Variants in ATOSA observed in about 807,000 individuals in gnomAD.
ATOSA encodes the protein atos homolog A, also known as atos homolog protein A.
the ATOSA span, among the ~76,000 whole-genome samples, chr15:52,674,757 C>A: frequency 6.6e-6 from 1 of 151,658 alleles, no homozygotes; most frequent in South Asian, 2.1e-4. Context: ...TATTTATTTA[C>A]CTTTGTTGAG....
chr15:52,609,547 GTTTCACT>G, the ATOSA span: 1 of 1,613,702 alleles, frequency 6.2e-7, no homozygotes, highest in Non-Finnish European at 8.5e-7. Flanking sequence ...AGAAATACAA[GTTTCACT>G]TCGAGGAGTT....
At chr15:52,655,290 C>G in the ATOSA span, among the ~76,000 whole-genome samples, 1 of 152,234 alleles carries the variant, frequency 6.6e-6, no homozygotes, top group South Asian at 2.1e-4. Context: ...CATTCAATAA[C>G]CACAACGACA....
the ATOSA span, chr15:52,587,368 T>C: frequency 3.1e-6 from 2 of 635,694 alleles, no homozygotes; most frequent in South Asian, 2.3e-5. Flanking sequence ...ATACATTCTA[T>C]GTTTCTACCC....
the ATOSA span, chr15:52,587,726 G>C: frequency 6.6e-6 from 1 of 152,480 alleles, no homozygotes; most frequent in African/African-American, 2.4e-5. Flanking sequence ...TTGGAAGTCT[G>C]TAGTTCCTGC....
chr15:52,614,565 G>A, the ATOSA span, among the ~76,000 whole-genome samples: 522 of 151,442 alleles, frequency 3.4e-3, 3 homozygotes, highest in African/African-American at 0.012. Flanking sequence ...TTATATTTTC[G>A]GGCCGGGCGT....
chr15:52,641,111 G>A, the ATOSA span, among the ~76,000 whole-genome samples: 1 of 152,152 alleles, frequency 6.6e-6, no homozygotes, highest in African/African-American at 2.4e-5. Flanking sequence ...TACAGGTACA[G>A]GCGTTTATAA....
At chr15:52,687,999 G>C in the ATOSA span, among the ~76,000 whole-genome samples, 3 of 152,208 alleles carry the variant, frequency 2.0e-5, no homozygotes, top group African/African-American at 7.2e-5. Context: ...AGGCTAACCT[G>C]CTGTTCCCAG....
chr15:52,610,478 A>AT, the ATOSA span: 6 of 1,354,796 alleles, frequency 4.4e-6, no homozygotes, highest in South Asian at 9.6e-5. Context: ...TCATACACTT[A>AT]TTTTTGTTTG....
the ATOSA span, among the ~76,000 whole-genome samples, chr15:52,704,951 C>A: frequency 6.6e-6 from 1 of 152,158 alleles, no homozygotes; most frequent in African/African-American, 2.4e-5. Flanking sequence ...TGTGGCAATT[C>A]CTCAAGGATC....
At chr15:52,599,523 C>G in the ATOSA span, among the ~76,000 whole-genome samples, 1 of 151,918 alleles carries the variant, frequency 6.6e-6, no homozygotes, top group Admixed American at 6.6e-5. Context: ...AAAAACTCAC[C>G]AGTTAAAATC....
chr15:52,669,954 T>G, the ATOSA span, among the ~76,000 whole-genome samples: 1 of 152,182 alleles, frequency 6.6e-6, no homozygotes, highest in African/African-American at 2.4e-5. Context: ...CTATTTTCCA[T>G]CAGCCTCTTT....
At chr15:52,590,370 A>G in the ATOSA span, among the ~76,000 whole-genome samples, 1 of 152,224 alleles carries the variant, frequency 6.6e-6, no homozygotes, top group African/African-American at 2.4e-5. Context: ...GTGTTGTCAT[A>G]TAACACTTGG....
At chr15:52,657,130 T>C in the ATOSA span, 1 of 152,150 alleles carries the variant, frequency 6.6e-6, no homozygotes, top group Non-Finnish European at 1.5e-5. Context: ...GCCGTTGGGT[T>C]ACCCTGTAAG....
At chr15:52,640,708 A>C in the ATOSA span, among the ~76,000 whole-genome samples, 1 of 151,838 alleles carries the variant, frequency 6.6e-6, no homozygotes, top group East Asian at 1.9e-4. Context: ...TAAATGCAAT[A>C]TATACTACTA....
the ATOSA span, among the ~76,000 whole-genome samples, chr15:52,626,549 G>A: frequency 4.0e-5 from 6 of 148,412 alleles, no homozygotes; most frequent in East Asian, 2.0e-4. Context: ...AAAAGAGAGC[G>A]AGAGAATGGC....
chr15:52,655,188 T>A, the ATOSA span, among the ~76,000 whole-genome samples: 1 of 152,158 alleles, frequency 6.6e-6, no homozygotes, highest in Admixed American at 6.6e-5. Flanking sequence ...CTTACATATG[T>A]TACTTACTAT....
the ATOSA span, among the ~76,000 whole-genome samples, chr15:52,627,874 G>C: frequency 2.0e-5 from 3 of 152,124 alleles, no homozygotes; most frequent in African/African-American, 7.2e-5. Flanking sequence ...TCTGCCATCT[G>C]ATTGTGTCTT....
the ATOSA span, among the ~76,000 whole-genome samples, chr15:52,606,766 C>A: frequency 3.9e-5 from 6 of 152,144 alleles, no homozygotes; most frequent in Admixed American, 6.5e-5. Flanking sequence ...CATGTTAGAG[C>A]GAGATCTTCT....
chr15:52,650,114 T>C, the ATOSA span, among the ~76,000 whole-genome samples: 1 of 152,212 alleles, frequency 6.6e-6, no homozygotes, highest in Non-Finnish European at 1.5e-5. Flanking sequence ...TAGTAATTCA[T>C]AAGAGTTACA....
Sources: gnomAD v4.1 joint callset for allele counts (sites outside exome capture counted in the v4.1 genomes callset) on GRCh38, gnomAD v4.1.1 for gene constraint, MANE v1.5 for transcripts, NCBI Gene and HGNC (gene_info 2026-07-23, HGNC 2026-07-21) for gene names.